NOL4L: variants seen among roughly 807,000 people sequenced by gnomAD.
The protein encoded by NOL4L is nucleolar protein 4 like, also known as nucleolar protein 4-like.
NOL4L carries 7 observed loss-of-function variants against 64.5 expected under a neutral mutation model. The observed-to-expected ratio is 0.11, with a 90% confidence interval of 0.06 to 0.20. NOL4L has a LOEUF of 0.20. Among genes scored for constraint, NOL4L ranks in the 10% least tolerant of loss-of-function variants. NOL4L has a pLI of 1.00. For synonymous variants in NOL4L, 413 were observed against 401.0 expected (o/e 1.03, Z -0.36); for missense variants, 680 against 967.1 (o/e 0.70, Z 3.94).
In NOL4L at chr20:32,453,248, G is replaced by A; in HGVS notation, c.1497+56C>T. 1 of 1,573,894 alleles carries A rather than the reference G, an allele frequency of 6.4e-7. No individual in the cohort carries two copies. Among genetic ancestry groups the A allele is most frequent in the African/African-American group, 1.3e-5 (1 of 74,446 alleles). On this transcript the variant is annotated intron_variant, in intron 8 of 10. Transcript: ENST00000621426. This position sits in a 1 kb window ranked among gnomAD's most constrained non-coding sequence, Gnocchi z 5.6. ...GGGGCCCGGGCATCCTGGGAGTGTG[G>A]CAGGAGGTCAGTAGTGGCACCGAGG...
chr20:32,579,698 G>C (rs1180398880), intron 1 of NOL4L, among the ~76,000 whole-genome samples: 1 of 152,170 alleles, frequency 6.6e-6, no homozygotes, highest in Non-Finnish European at 1.5e-5. Flanking sequence ...GGAAGGCAGA[G>C]CCTGACCTGT....
chr20:32,448,634 G>A (rs2012559464), intron 10 of NOL4L, among the ~76,000 whole-genome samples: 1 of 152,214 alleles, frequency 6.6e-6, no homozygotes, highest in Non-Finnish European at 1.5e-5. Flanking sequence ...AGGATACGAG[G>A]GAGTGTGGGC....
rs63569661 is a variant in NOL4L, at chr20:32,556,277, G to C, written c.321+28293C>G. 6.2e-5 allele frequency among the ~76,000 whole-genome samples: 9 copies of C among 146,294 alleles called. 1 individual carries two copies. In the South Asian group the frequency reaches 8.4e-4, roughly 14 times the overall value. On this transcript the variant is annotated intron_variant, in intron 1 of 10. Coordinates refer to ENST00000621426, the MANE Select transcript of NOL4L (RefSeq NM_001256798.2). ...TCTTCAGCAAATATTTCCTTTGTGGGGGGGGGGGGTTTCCCTGGAGCCCCT... is the reference window on the plus strand; with the variant it reads ...TCTTCAGCAAATATTTCCTTTGTGGCGGGGGGGGGTTTCCCTGGAGCCCCT...
rs148425684 is a variant in NOL4L at position 32,447,262 on chromosome 20, G to A, written c.*334C>T. 41 of 545,720 alleles carry A rather than the reference G, an allele frequency of 7.5e-5. No homozygotes were observed. The highest frequency in any genetic ancestry group is 7.1e-4 in the African/African-American group (38 of 53,600). 33.8% of individuals were successfully genotyped at this position (545,720 alleles called of 1,614,324 possible). On this transcript the variant is annotated 3_prime_UTR_variant, in exon 11 of 11. Coordinates refer to ENST00000621426, the MANE Select transcript of NOL4L (RefSeq NM_001256798.2). Reference sequence around the variant, plus strand: ...ACTTGAAAGGTAATTATCTGGGGGTGGGATTCTAACATCAGGGTCCACGAA... The same window carrying A: ...ACTTGAAAGGTAATTATCTGGGGGTAGGATTCTAACATCAGGGTCCACGAA...
At chr20:32,506,778 T>C (rs570445777) in intron 4 of NOL4L, among the ~76,000 whole-genome samples, 21 of 152,256 alleles carry the variant, frequency 1.4e-4, no homozygotes, top group Admixed American at 4.6e-4. Flanking sequence ...TAAGAAGAGC[T>C]CACTGTCTGT....
At chr20:32,571,034 C>T (rs1266040437) in intron 1 of NOL4L, among the ~76,000 whole-genome samples, 3 of 152,164 alleles carry the variant, frequency 2.0e-5, no homozygotes, top group Non-Finnish European at 4.4e-5. Flanking sequence ...AGGATTCAAA[C>T]TGAGGAACCC....
Position 32,447,510 on chromosome 20 carries a change from A to T in NOL4L, c.*86T>A. ...TGGATCCCACCTCTTTCAAAAACAA[A>T]ATGTACCAACTGGTGAGGCAGGAAG... On this transcript the variant is annotated 3_prime_UTR_variant, in exon 11 of 11. Transcript: ENST00000621426. 1 of 1,504,706 alleles carries T rather than the reference A, an allele frequency of 6.6e-7. No individual in the cohort carries two copies. Among genetic ancestry groups the T allele is most frequent in the Non-Finnish European group, 8.8e-7 (1 of 1,137,362 alleles). The allele number at this position is 1,504,706 out of a possible 1,614,324, so 93.2% of individuals were successfully genotyped here.
At position 32,585,022 on chromosome 20, in the gene NOL4L, G is replaced by A. The variant is rs1244366603; in HGVS notation, c.-132C>T. ...GTCTGTCCCGCGGTGTGGCTCCGGC[G>A]AGGCTGCTGGATGGGCGCGGGCGGC... On this transcript the variant is annotated 5_prime_UTR_variant, in exon 1 of 11. Transcript: ENST00000621426. 1 of 378,398 alleles carries A rather than the reference G, an allele frequency of 2.6e-6. No individual in the cohort carries two copies. The highest frequency in any genetic ancestry group is 3.6e-6 in the Non-Finnish European group (1 of 276,754). The allele number at this position is 378,398 out of a possible 1,614,324, so 23.4% of individuals were successfully genotyped here. A position where few individuals can be genotyped will look rare whatever the true frequency, so the allele number is the denominator to read the frequency against.
intron 4 of NOL4L, chr20:32,475,270 G>C: frequency 1.3e-5 from 13 of 985,464 alleles, no homozygotes; most frequent in Non-Finnish European, 1.6e-5. Flanking sequence ...GGACGTTTCT[G>C]TCTTCCTCCT....
At chr20:32,579,611 C>A (rs987242855) in intron 1 of NOL4L, among the ~76,000 whole-genome samples, 3 of 152,120 alleles carry the variant, frequency 2.0e-5, no homozygotes, top group Non-Finnish European at 4.4e-5. Context: ...CCTACCAGCT[C>A]CTACCCAGGG....
chr20:32,461,764 GAAGAAATTACCT>G (rs1447839419), intron 5 of NOL4L, among the ~76,000 whole-genome samples: 2 of 149,352 alleles, frequency 1.3e-5, no homozygotes, highest in Non-Finnish European at 3.0e-5. Flanking sequence ...TAAGTGCTTG[GAAGAAATTACCT>G]ATTTCTTCCA....
At chr20:32,562,895 G>A (rs1316368403) in intron 1 of NOL4L, among the ~76,000 whole-genome samples, 9 of 125,160 alleles carry the variant, frequency 7.2e-5, no homozygotes, top group South Asian at 3.0e-4. Context: ...GGCAGGGAGG[G>A]TGGAGGGGAG....
At chr20:32,509,727 T>C (rs1211583391) in intron 4 of NOL4L, 1 of 1,254,910 alleles carries the variant, frequency 8.0e-7, no homozygotes, top group Non-Finnish European at 1.0e-6. Flanking sequence ...CCAGATCAAA[T>C]ATCTGATTTG....
rs1182211986 is a variant in NOL4L at position 32,463,693 on chromosome 20, A to G, written c.842-7298T>C. Among the ~76,000 whole-genome samples, 9 of 152,342 alleles carry G rather than the reference A, an allele frequency of 5.9e-5. No individual in the cohort carries two copies. The highest frequency in any genetic ancestry group is 1.3e-4 in the Non-Finnish European group (9 of 68,018). On this transcript the variant is annotated intron_variant, in intron 5 of 10. Coordinates refer to ENST00000621426, the MANE Select transcript of NOL4L (RefSeq NM_001256798.2). This position sits in a 1 kb window ranked among gnomAD's most constrained non-coding sequence, Gnocchi z 5.8. ...TCTGTCCCGTCTCCAGAAGGAGACA[A>G]AAACCCCTTTTACCTCAGCAAACAA...
In NOL4L at chr20:32,584,552, C is replaced by T; in HGVS notation, c.321+18G>A. ...CCCCGCGGCGGGACCCGCCCGCGGC[C>T]GCCGCGCGCGCACTCACCGAGCCCG... On this transcript the variant is annotated intron_variant, in intron 1 of 10. Coordinates refer to ENST00000621426, the MANE Select transcript of NOL4L (RefSeq NM_001256798.2). 1 of 1,324,432 alleles carries T rather than the reference C, an allele frequency of 7.6e-7. No individual in the cohort carries two copies. Among genetic ancestry groups the T allele is most frequent in the African/African-American group, 1.5e-5 (1 of 64,900 alleles). The allele number at this position is 1,324,432 out of a possible 1,614,324, so 82.0% of individuals were successfully genotyped here.
In NOL4L at chr20:32,447,429, A is replaced by AAAAAAAAG. The variant is rs374212206; in HGVS notation, c.*166_*167insCTTTTTTT. The AAAAAAAAG allele has an allele frequency of 1.8e-5, 14 of 757,998 alleles. No individual in the cohort carries two copies. The highest frequency in any genetic ancestry group is 5.8e-5 in the South Asian group (3 of 51,428). 47.0% of individuals were successfully genotyped at this position (757,998 alleles called of 1,614,324 possible). ...AAAAAAAAAAAAAAAAAAAAAAAAA[A>AAAAAAAAG]GTGTCCTTGTGCCCAAAGTCTCAGG... is the stretch of plus-strand genomic sequence containing the variant. On this transcript the variant is annotated 3_prime_UTR_variant, in exon 11 of 11. Transcript: ENST00000621426.
intron 1 of NOL4L, among the ~76,000 whole-genome samples, chr20:32,563,242 G>C: frequency 8.8e-6 from 1 of 114,128 alleles, no homozygotes; most frequent in Non-Finnish European, 1.9e-5. Context: ...GAGTGGGGAG[G>C]GAGGGTGGAG....
chr20:32,572,183 T>G (rs768893853), intron 1 of NOL4L, among the ~76,000 whole-genome samples: 4 of 152,162 alleles, frequency 2.6e-5, no homozygotes, highest in Non-Finnish European at 5.9e-5. Context: ...GTCTGCCTCT[T>G]CCCAGCTTTG....
intron 4 of NOL4L, among the ~76,000 whole-genome samples, chr20:32,497,610 A>G (rs1195406460): frequency 6.6e-6 from 1 of 152,176 alleles, no homozygotes; most frequent in Non-Finnish European, 1.5e-5. Context: ...TAGCCACAAG[A>G]TCACGAATCC....
Sources: allele counts gnomAD v4.1 joint callset (sites outside exome capture counted in the v4.1 genomes callset), GRCh38; gene constraint gnomAD v4.1.1; non-coding constraint Gnocchi (gnomAD v3.1); transcripts MANE v1.5; gene names NCBI Gene and HGNC (gene_info 2026-07-23, HGNC 2026-07-21).